SNX29: variants seen among roughly 807,000 people sequenced by gnomAD.
The protein encoded by SNX29 is sorting nexin-29.
A neutral mutation model predicts 102.1 loss-of-function variants in SNX29; 78 were observed. The observed-to-expected ratio is 0.76, with a 90% CI of 0.64 to 0.92. The LOEUF is 0.92. Among genes scored for constraint, SNX29 ranks in the 40% least tolerant of loss-of-function variants. SNX29 has a pLI of 0.00. For synonymous variants in SNX29, 580 were observed against 414.5 expected, an observed-to-expected ratio of 1.40 and a Z score of -4.85; for missense variants, 1,280 against 1,061.7, an observed-to-expected ratio of 1.21 and a Z score of -2.86.
chr16:12,089,120 GAGAGAAAAGAGAGAGAGAGAGAGAAA>G (rs1435618976), intron 11 of SNX29, among the ~76,000 whole-genome samples: 2 of 89,620 alleles, frequency 2.2e-5, no homozygotes, highest in African/African-American at 9.4e-5. Flanking sequence ...GAGAGAGAGA[GAGAGAAAAGAGAGAGAGAGAGAGAAA>G]AGAGAAAGAG....
At chr16:12,013,350 A>G (rs2056717511) in intron 3 of SNX29, among the ~76,000 whole-genome samples, 1 of 150,282 alleles carries the variant, frequency 6.7e-6, no homozygotes, top group African/African-American at 2.4e-5. Flanking sequence ...AACAGTCAAG[A>G]TTATTGTTAG....
chr16:12,551,011 G>A (rs1043590033), intron 20 of SNX29, among the ~76,000 whole-genome samples: 3 of 152,122 alleles, frequency 2.0e-5, no homozygotes, highest in Non-Finnish European at 4.4e-5. Context: ...TTTCTTCTCT[G>A]GCCGAGTGAT....
intron 14 of SNX29, among the ~76,000 whole-genome samples, chr16:12,226,707 G>T (rs145338995): frequency 2.6e-5 from 4 of 151,784 alleles, no homozygotes; most frequent in Admixed American, 2.6e-4. Context: ...CCGAGTAGCC[G>T]GGATTACAGG....
chr16:12,111,642 A>G (rs767785040), intron 11 of SNX29, among the ~76,000 whole-genome samples: 22 of 152,232 alleles, frequency 1.4e-4, no homozygotes, highest in Non-Finnish European at 1.3e-4. Flanking sequence ...GGCTTTGGGC[A>G]TAGCCACCCA....
rs563846556 is a variant in SNX29 at position 12,096,905 on chromosome 16, G to T, written c.1402+17990G>T. Among the ~76,000 whole-genome samples, 1 of 152,192 alleles carries T rather than the reference G, an allele frequency of 6.6e-6. No individual in the cohort carries two copies. Among genetic ancestry groups the T allele is most frequent in the Non-Finnish European group, 1.5e-5 (1 of 68,042 alleles). On this transcript the variant is annotated intron_variant, in intron 11 of 20. Coordinates refer to ENST00000566228, the MANE Select transcript of SNX29 (RefSeq NM_032167.5). The surrounding 1 kb of genome is among the most constrained non-coding windows in gnomAD (Gnocchi z 4.2). The stretch of plus-strand genomic sequence containing the variant: ...CAGCAGGATGAATGTAGCAAGGATA[G>T]GGTGGCTGAGGTCCAGAGGGTCACA...
chr16:12,257,199 C>G (rs2078599576), intron 14 of SNX29, among the ~76,000 whole-genome samples: 2 of 152,140 alleles, frequency 1.3e-5, no homozygotes, highest in African/African-American at 4.8e-5. Flanking sequence ...GCCCCCAGAA[C>G]CCAGAACAAG....
chr16:12,553,816 G>A (rs1185595885), intron 20 of SNX29, among the ~76,000 whole-genome samples: 3 of 151,934 alleles, frequency 2.0e-5, no homozygotes, highest in African/African-American at 7.3e-5. Context: ...TCGAACTCCT[G>A]ACCTTGTGAT....
intron 14 of SNX29, among the ~76,000 whole-genome samples, chr16:12,266,637 T>C (rs979806298): frequency 6.7e-6 from 1 of 149,270 alleles, no homozygotes; most frequent in African/African-American, 2.5e-5. Flanking sequence ...AGAGATGGCG[T>C]GTGTCTCTGC....
chr16:12,086,322 C>T (rs145057386), intron 11 of SNX29, among the ~76,000 whole-genome samples: 1 of 152,116 alleles, frequency 6.6e-6, no homozygotes, highest in African/African-American at 2.4e-5. Flanking sequence ...GCCAATTCTA[C>T]ATTACCTAAG....
chr16:12,426,883 C>T (rs983549299), intron 18 of SNX29, among the ~76,000 whole-genome samples: 2 of 152,110 alleles, frequency 1.3e-5, no homozygotes, highest in Non-Finnish European at 2.9e-5. Flanking sequence ...CCAGGCTGGT[C>T]TTGAACTTGT....
At chr16:12,288,148 A>AG (rs2079660472) in intron 15 of SNX29, among the ~76,000 whole-genome samples, 1 of 152,172 alleles carries the variant, frequency 6.6e-6, no homozygotes, top group African/African-American at 2.4e-5. Context: ...TTGAAGTAGG[A>AG]GGTGGGACTT....
chr16:12,454,776 G>C (rs768857380), intron 18 of SNX29, among the ~76,000 whole-genome samples: 3 of 152,052 alleles, frequency 2.0e-5, no homozygotes, highest in Non-Finnish European at 2.9e-5. Flanking sequence ...CTGGAGTGCA[G>C]TGGCGTGATC....
At chr16:12,147,548 C>A (rs2055115114) in intron 13 of SNX29, among the ~76,000 whole-genome samples, 1 of 152,058 alleles carries the variant, frequency 6.6e-6, no homozygotes, top group African/African-American at 2.4e-5. Flanking sequence ...GAAAGGTGAA[C>A]AATGGGAAGA....
chr16:12,545,943 C>G (rs10492793), intron 20 of SNX29, among the ~76,000 whole-genome samples: 3 of 151,854 alleles, frequency 2.0e-5, no homozygotes, highest in Admixed American at 6.6e-5. Flanking sequence ...TATGTATTAT[C>G]CTGACAACTA....
chr16:12,552,072 CTCAA>C (rs976940931), intron 20 of SNX29, among the ~76,000 whole-genome samples: 6 of 152,196 alleles, frequency 3.9e-5, no homozygotes, highest in African/African-American at 1.2e-4. Context: ...GAATCTCTGT[CTCAA>C]TCACTCAACT....
intron 18 of SNX29, among the ~76,000 whole-genome samples, chr16:12,416,519 C>A (rs535566184): frequency 3.3e-5 from 5 of 152,200 alleles, no homozygotes; most frequent in Non-Finnish European, 2.9e-5. Flanking sequence ...CAAAACACCA[C>A]ATCATGCCCC....
intron 19 of SNX29, among the ~76,000 whole-genome samples, chr16:12,491,207 T>G (rs925437843): frequency 3.9e-5 from 6 of 152,240 alleles, no homozygotes; most frequent in Admixed American, 2.6e-4. Flanking sequence ...TTTTCCCTAT[T>G]TGGTCATTGT....
Position 12,051,757 on chromosome 16 carries a change from T to C in SNX29, c.749-90T>C, listed in dbSNP as rs1432890406. On this transcript the variant is annotated intron_variant, in intron 7 of 20. Transcript: ENST00000566228. ...CAGTGTATTTCTCACTCGAATAGTA[T>C]TTTCCATAACCTGGAGGTGAGTTGG... The C allele has an allele frequency of 3.3e-6, 5 of 1,526,048 alleles. No homozygotes were observed. The Admixed American group carries it at 1.1e-4, about 34-fold the overall frequency. 94.5% of individuals were successfully genotyped at this position (1,526,048 alleles called of 1,614,324 possible). A position where few individuals can be genotyped will look rare whatever the true frequency, so the allele number is the denominator to read the frequency against.
At chr16:12,033,766 C>T (rs1457708797) in intron 4 of SNX29, among the ~76,000 whole-genome samples, 1 of 152,060 alleles carries the variant, frequency 6.6e-6, no homozygotes, top group Non-Finnish European at 1.5e-5. Context: ...ATCACCATGC[C>T]TGGTTAAGTT....
Sources: allele counts gnomAD v4.1 joint callset (sites outside exome capture counted in the v4.1 genomes callset), GRCh38; gene constraint gnomAD v4.1.1; non-coding constraint Gnocchi (gnomAD v3.1); transcripts MANE v1.5; gene names NCBI Gene and HGNC (gene_info 2026-07-23, HGNC 2026-07-21).